The following LPAR6 variants were observed in gnomAD, a reference collection of about 807,000 sequenced individuals.
The protein encoded by LPAR6 is G-protein coupled purinergic receptor P2Y5.
In LPAR6, 17 loss-of-function variants were observed where a neutral mutation model predicts 22.0. The ratio of observed to expected loss-of-function variants is 0.77; its 90% confidence interval spans 0.53 to 1.16. The LOEUF is 1.16. Ranked by LOEUF, LPAR6 falls within the 50% of genes most tolerant of loss-of-function variation. LPAR6 has a pLI of 0.00. For missense variants in LPAR6, 384 were observed against 406.9 expected (o/e 0.94, Z 0.48); for synonymous variants, 136 against 139.8 (o/e 0.97, Z 0.19).
In LPAR6 at chr13:48,440,470, T is replaced by G. The variant is rs572814128; in HGVS notation, c.-1474+4083A>C. Among the ~76,000 whole-genome samples, 16 of 152,334 alleles carry G rather than the reference T, an allele frequency of 1.1e-4. No individual in the cohort carries two copies. The East Asian group carries it at 2.1e-3, about 20-fold the overall frequency. ...ATAGCTAATGCATATTTTTTAACTT[T>G]AATGTTTGTTATTTACATGCATAGC... On this transcript the variant is annotated intron_variant, in intron 1 of 6. Transcript: ENST00000378434.
At chr13:48,432,834 A>G (rs1476444199) in intron 1 of LPAR6, among the ~76,000 whole-genome samples, 3 of 152,308 alleles carry the variant, frequency 2.0e-5, no homozygotes, top group East Asian at 3.9e-4. Context: ...AAAAGCAATT[A>G]TAAGAGACAG....
At chr13:48,434,590 G>T (rs1203007466) in intron 1 of LPAR6, among the ~76,000 whole-genome samples, 1 of 152,028 alleles carries the variant, frequency 6.6e-6, no homozygotes, top group Non-Finnish European at 1.5e-5. Context: ...CTCTTTCTCA[G>T]CCCAGGAACA....
chr13:48,412,629 C>A lies in LPAR6; in HGVS notation c.-206G>T, dbSNP rs1948836423. 1.7e-6 allele frequency: 1 copy of A among 598,996 alleles called. No individual in the cohort carries two copies. The highest frequency in any genetic ancestry group is 3.0e-6 in the Non-Finnish European group (1 of 328,708). The allele number at this position is 598,996 out of a possible 1,614,324, so 37.1% of individuals were successfully genotyped here. A position where few individuals can be genotyped will look rare whatever the true frequency, so the allele number is the denominator to read the frequency against. On this transcript the variant is annotated 5_prime_UTR_variant, in exon 1 of 1. Coordinates refer to ENST00000620633, the MANE Select transcript of LPAR6 (RefSeq NM_001162498.3). ...GTAAAATTTCCGCTGGGTTCTTCAACAGGAAAATATTTTCATTTGTTAGTC... is the reference window on the plus strand; with the variant it reads ...GTAAAATTTCCGCTGGGTTCTTCAAAAGGAAAATATTTTCATTTGTTAGTC...
chr13:48,443,142 T>A (rs991828150), intron 1 of LPAR6, among the ~76,000 whole-genome samples: 1 of 151,814 alleles, frequency 6.6e-6, no homozygotes, highest in Non-Finnish European at 1.5e-5. Flanking sequence ...AACATTGTTA[T>A]GTTCTTAAAA....
chr13:48,432,881 C>T (rs1949144676), intron 1 of LPAR6, among the ~76,000 whole-genome samples: 1 of 152,118 alleles, frequency 6.6e-6, no homozygotes, highest in Non-Finnish European at 1.5e-5. Flanking sequence ...CATAACCCTA[C>T]AACTCTAATA....
upstream of LPAR6, among the ~76,000 whole-genome samples, chr13:48,413,569 T>C (rs1005274151): frequency 6.6e-6 from 1 of 152,212 alleles, no homozygotes; most frequent in African/African-American, 2.4e-5. Flanking sequence ...CTTTAAGGTA[T>C]AACAAGCATT....
chr13:48,431,324 T>G (rs1372360280), upstream of LPAR6, among the ~76,000 whole-genome samples: 1 of 152,310 alleles, frequency 6.6e-6, no homozygotes, highest in South Asian at 2.1e-4. Flanking sequence ...CTTTTCTTTT[T>G]ATTATAGATG....
intron 1 of LPAR6, among the ~76,000 whole-genome samples, chr13:48,402,752 G>A (rs902464477): frequency 5.9e-5 from 9 of 151,970 alleles, no homozygotes; most frequent in African/African-American, 2.2e-4. Context: ...GTTTTAGGTA[G>A]CTAAGATTAT....
intron 1 of LPAR6, among the ~76,000 whole-genome samples, chr13:48,443,087 A>G (rs555732845): frequency 6.6e-6 from 1 of 152,096 alleles, no homozygotes; most frequent in African/African-American, 2.4e-5. Context: ...GTGTTTGTTC[A>G]TGTGTATAAA....
intron 1 of LPAR6, among the ~76,000 whole-genome samples, chr13:48,399,450 T>G (rs1435228549): frequency 6.6e-6 from 1 of 152,022 alleles, no homozygotes; most frequent in Non-Finnish European, 1.5e-5. Context: ...AGATAGTAAT[T>G]TAACTCATAT....
chr13:48,443,251 T>C (rs185441382), intron 1 of LPAR6, among the ~76,000 whole-genome samples: 341 of 151,738 alleles, frequency 2.2e-3, no homozygotes, highest in African/African-American at 7.8e-3. Context: ...AAGATTCCTT[T>C]TTCAGTAAAT....
At chr13:48,411,137 A>G (rs984728733), downstream of LPAR6, 32 of 350,648 alleles carry the variant, frequency 9.1e-5, no homozygotes, top group East Asian at 1.6e-3. Context: ...TAGACACTAA[A>G]TAACTTTAAG....
At chr13:48,433,568 G>A (rs1380546548) in intron 1 of LPAR6, among the ~76,000 whole-genome samples, 1 of 151,888 alleles carries the variant, frequency 6.6e-6, no homozygotes, top group Non-Finnish European at 1.5e-5. Context: ...AGGATAGACT[G>A]TATTTAAATG....
upstream of LPAR6, among the ~76,000 whole-genome samples, chr13:48,429,029 T>G (rs1321828301): frequency 6.6e-6 from 1 of 152,228 alleles, no homozygotes; most frequent in Non-Finnish European, 1.5e-5. Flanking sequence ...ACCTGAATTC[T>G]TTTGCTCCCA....
At chr13:48,427,101 A>AC (rs1158604537), upstream of LPAR6, among the ~76,000 whole-genome samples, 1 of 151,970 alleles carries the variant, frequency 6.6e-6, no homozygotes, top group Admixed American at 6.6e-5. Flanking sequence ...TGAGGGATCC[A>AC]CCCCCCTGAT....
downstream of LPAR6, among the ~76,000 whole-genome samples, chr13:48,409,625 G>A (rs558493724): frequency 1.7e-5 from 2 of 120,078 alleles, no homozygotes; most frequent in South Asian, 2.8e-4. Context: ...TCTGTCGCCC[G>A]GCTGGAGTGC....
At chr13:48,403,180 C>T (rs1320606165) in intron 1 of LPAR6, among the ~76,000 whole-genome samples, 1 of 152,104 alleles carries the variant, frequency 6.6e-6, no homozygotes, top group Admixed American at 6.5e-5. Context: ...AGTCAAAGGG[C>T]TTAAGTAGTA....
At chr13:48,406,061 T>C (rs908332410), downstream of LPAR6, among the ~76,000 whole-genome samples, 4 of 151,932 alleles carry the variant, frequency 2.6e-5, no homozygotes, top group Non-Finnish European at 5.9e-5. Context: ...TGGTTTCCAG[T>C]ATTTTGCAAT....
At chr13:48,399,871 ACT>A (rs898947961) in intron 1 of LPAR6, among the ~76,000 whole-genome samples, 26 of 151,932 alleles carry the variant, frequency 1.7e-4, no homozygotes, top group Non-Finnish European at 2.5e-4. Flanking sequence ...ATTTTAAAAC[ACT>A]CTGACATATG....
Sources: allele counts gnomAD v4.1 joint callset (sites outside exome capture counted in the v4.1 genomes callset), GRCh38; gene constraint gnomAD v4.1.1; transcripts MANE v1.5; gene names NCBI Gene and HGNC (gene_info 2026-07-23, HGNC 2026-07-21).